The following FHL2 variants were observed in gnomAD, a reference collection of about 807,000 sequenced individuals.
The protein encoded by FHL2 is four and a half LIM domains 2.
FHL2 carries 20 observed loss-of-function variants against 32.7 expected under a neutral mutation model. That is an observed-to-expected ratio of 0.61 (90% confidence interval 0.43 to 0.89). FHL2 has a LOEUF of 0.89. FHL2 is among the 40% of genes least tolerant of loss of function. The probability of loss-of-function intolerance (pLI) is 0.00; values close to 1 mark genes in which losing one functional copy is unlikely to be tolerated. For missense variants in FHL2, 311 were observed against 358.6 expected, an observed-to-expected ratio of 0.87 and a Z score of 1.07; for synonymous variants, 123 against 128.1, an observed-to-expected ratio of 0.96 and a Z score of 0.27.
intron 1 of FHL2, among the ~76,000 whole-genome samples, chr2:105,425,942 C>T (rs1684252822): frequency 6.6e-6 from 1 of 152,154 alleles, no homozygotes; most frequent in Non-Finnish European, 1.5e-5. Context: ...CGCCGGTCCC[C>T]TGGGCCCACT....
intron 4 of FHL2, among the ~76,000 whole-genome samples, chr2:105,371,132 A>G (rs1333412735): frequency 6.6e-6 from 1 of 152,176 alleles, no homozygotes; most frequent in Non-Finnish European, 1.5e-5. Context: ...AAACACCATG[A>G]GAAAGGGAAG....
At chr2:105,360,056 G>T (rs1356130477), downstream of FHL2, 2 of 152,438 alleles carry the variant, frequency 1.3e-5, no homozygotes, top group Admixed American at 6.5e-5. Context: ...TATAATCCCA[G>T]CACTTTGGGG....
chr2:105,373,615 C>T lies in FHL2; in HGVS notation c.275G>A (p.Cys92Tyr), dbSNP rs765835400. 6.2e-6 allele frequency: 10 copies of T among 1,614,114 alleles called. No homozygotes were observed. In the African/African-American group the frequency reaches 1.2e-4, roughly 19 times the overall value. Residue 92 changes from cysteine (C) to tyrosine (Y), a missense_variant, in exon 4 of 7, where the codon TGC becomes TAC. Coordinates refer to ENST00000530340, the MANE Select transcript of FHL2 (RefSeq NM_001318895.3). ...CTTGGATGAGTACTCGTTGGAATAG[C>T]AGTCTGTACAGAGCAGCTGGTCCTC... is the stretch of plus-strand genomic sequence containing the variant. ...AKEDQLLCTDCYSNEYSSKCQ... is the reference protein window; with the variant it reads ...AKEDQLLCTDYYSNEYSSKCQ...
intron 2 of FHL2, among the ~76,000 whole-genome samples, chr2:105,396,118 T>A (rs4851059): frequency 0.096 from 14,669 of 152,192 alleles, 984 homozygotes; most frequent in East Asian, 0.33. Flanking sequence ...AGAGCTGTAA[T>A]AGTCAGGGTT....
At chr2:105,364,055 G>A (rs531635272) in intron 5 of FHL2, among the ~76,000 whole-genome samples, 2 of 152,078 alleles carry the variant, frequency 1.3e-5, no homozygotes, top group Admixed American at 6.6e-5. Flanking sequence ...TCAGGAGTTC[G>A]AGACCAGCCT....
At chr2:105,419,820 T>C (rs867404164) in intron 1 of FHL2, among the ~76,000 whole-genome samples, 3 of 152,230 alleles carry the variant, frequency 2.0e-5, no homozygotes, top group Non-Finnish European at 4.4e-5. Flanking sequence ...TCTTTTCTCC[T>C]GATGGTCTCA....
At chr2:105,437,551 T>C (rs1049677574) in intron 1 of FHL2, among the ~76,000 whole-genome samples, 5 of 152,254 alleles carry the variant, frequency 3.3e-5, no homozygotes, top group Non-Finnish European at 5.9e-5. Flanking sequence ...CATTAATCTG[T>C]AAGGCAGGTG....
At chr2:105,368,000 G>A (rs1242347593) in intron 4 of FHL2, among the ~76,000 whole-genome samples, 5 of 152,150 alleles carry the variant, frequency 3.3e-5, no homozygotes, top group South Asian at 2.1e-4. Context: ...ATTGAATACC[G>A]TGGTTAGGAA....
chr2:105,419,934 T>C (rs1340466807), intron 1 of FHL2, among the ~76,000 whole-genome samples: 2 of 152,192 alleles, frequency 1.3e-5, no homozygotes, highest in African/African-American at 4.8e-5. Context: ...TGACTGAACA[T>C]GCATTGTCAT....
At chr2:105,374,517 G>A (rs12619815) in intron 3 of FHL2, 23,201 of 152,280 alleles carry the variant, frequency 0.15, 2,167 homozygotes, top group South Asian at 0.22. Flanking sequence ...CTGGGGGACG[G>A]GTAAGGATGT....
At chr2:105,362,556 A>G (rs1254436057) in intron 6 of FHL2, among the ~76,000 whole-genome samples, 2 of 152,242 alleles carry the variant, frequency 1.3e-5, no homozygotes, top group Admixed American at 1.3e-4. Context: ...GAACCAGTCA[A>G]CTGAATGCAA....
At chr2:105,379,054 A>C (rs1231776038) in intron 3 of FHL2, among the ~76,000 whole-genome samples, 1 of 152,136 alleles carries the variant, frequency 6.6e-6, no homozygotes, top group Non-Finnish European at 1.5e-5. Flanking sequence ...GCACGTGATT[A>C]AATTGCTTGG....
chr2:105,364,325 T>C (rs544274080), intron 5 of FHL2, among the ~76,000 whole-genome samples: 156 of 152,276 alleles, frequency 1.0e-3, no homozygotes, highest in African/African-American at 3.6e-3. Flanking sequence ...CTCACGAGCC[T>C]GTCTCTCCAG....
intron 4 of FHL2, among the ~76,000 whole-genome samples, chr2:105,373,074 C>T (rs996827557): frequency 3.3e-5 from 5 of 152,144 alleles, no homozygotes; most frequent in East Asian, 1.9e-4. Flanking sequence ...TTTGACTGTC[C>T]GTCTAGAACA....
intron 3 of FHL2, among the ~76,000 whole-genome samples, chr2:105,381,776 G>C (rs906633487): frequency 1.3e-5 from 2 of 152,156 alleles, no homozygotes; most frequent in Admixed American, 6.5e-5. Context: ...GAAGATCCAA[G>C]AAGGTAATTT....
chr2:105,363,748 C>G (rs1007443804), intron 5 of FHL2, among the ~76,000 whole-genome samples: 2 of 152,210 alleles, frequency 1.3e-5, no homozygotes, highest in Non-Finnish European at 2.9e-5. Context: ...CATAGGGTGC[C>G]TCAGTGGTGT....
At chr2:105,421,449 C>A (rs1253688359) in intron 1 of FHL2, among the ~76,000 whole-genome samples, 2 of 152,148 alleles carry the variant, frequency 1.3e-5, no homozygotes, top group Non-Finnish European at 2.9e-5. Context: ...CTCTCCTGAT[C>A]AAAAAGACAA....
chr2:105,419,788 A>G (rs1240438587), intron 1 of FHL2, among the ~76,000 whole-genome samples: 1 of 152,200 alleles, frequency 6.6e-6, no homozygotes, highest in Non-Finnish European at 1.5e-5. Context: ...TTAAAATAAT[A>G]ACATAAAATA....
intron 4 of FHL2, among the ~76,000 whole-genome samples, chr2:105,372,770 C>T (rs376012040): frequency 6.6e-6 from 1 of 151,810 alleles, no homozygotes; most frequent in Non-Finnish European, 1.5e-5. Flanking sequence ...TTGGCCAGGC[C>T]GATTTCAAAC....
Sources: gnomAD v4.1 joint callset for allele counts (sites outside exome capture counted in the v4.1 genomes callset) on GRCh38, gnomAD v4.1.1 for gene constraint, MANE v1.5 for transcripts, NCBI Gene and HGNC (gene_info 2026-07-23, HGNC 2026-07-21) for gene names.